POLK: variants seen among roughly 807,000 people sequenced by gnomAD.
POLK encodes the protein DNA polymerase kappa.
In POLK, 76 loss-of-function variants were observed where a neutral mutation model predicts 94.0. The ratio of observed to expected loss-of-function variants is 0.81; its 90% CI spans 0.67 to 0.98. POLK has a LOEUF of 0.98. Among genes scored for constraint, POLK ranks in the 50% least tolerant of loss-of-function variants. The pLI is 0.00. For missense variants in POLK, 954 were observed against 1,010.1 expected (o/e 0.94, Z 0.75); for synonymous variants, 349 against 325.4 (o/e 1.07, Z -0.78).
chr5:75,543,764 C>G (rs764299918), intron 1 of POLK, among the ~76,000 whole-genome samples: 11 of 152,144 alleles, frequency 7.2e-5, no homozygotes, highest in Non-Finnish European at 1.2e-4. Context: ...TGCCTTGTCC[C>G]AGGATTGCCC....
chr5:75,511,146 C>G, upstream of POLK: 1 of 1,608,668 alleles, frequency 6.2e-7, no homozygotes, highest in East Asian at 2.2e-5. Flanking sequence ...CACAGGCGGC[C>G]CAGACTCCGT....
intron 3 of POLK, among the ~76,000 whole-genome samples, chr5:75,563,544 A>G (rs1771104169): frequency 6.6e-6 from 1 of 152,084 alleles, no homozygotes; most frequent in Admixed American, 6.6e-5. Flanking sequence ...AGTGCTATAA[A>G]TTTACCTCTA....
At chr5:75,575,373 G>T (rs1234873488) in intron 5 of POLK, among the ~76,000 whole-genome samples, 4 of 152,102 alleles carry the variant, frequency 2.6e-5, no homozygotes, top group African/African-American at 9.7e-5. Flanking sequence ...CAGAGATAGG[G>T]TTTTCCTATG....
chr5:75,514,509 G>C (rs1768230160), intron 1 of POLK, among the ~76,000 whole-genome samples: 1 of 152,168 alleles, frequency 6.6e-6, no homozygotes, highest in South Asian at 2.1e-4. Flanking sequence ...GTCAAACATT[G>C]TTTTAGGTTC....
At chr5:75,526,466 TTTTG>T (rs1580924205) in intron 1 of POLK, among the ~76,000 whole-genome samples, 1 of 152,016 alleles carries the variant, frequency 6.6e-6, no homozygotes, top group Non-Finnish European at 1.5e-5. Context: ...TTTGGTACCC[TTTTG>T]TTTGTTTTGT....
At chr5:75,527,189 CT>C (rs911156366) in intron 1 of POLK, among the ~76,000 whole-genome samples, 12 of 151,144 alleles carry the variant, frequency 7.9e-5, no homozygotes, top group Middle Eastern at 3.2e-3. Flanking sequence ...TATAATCAAA[CT>C]TTTTTTTTAT....
chr5:75,599,511 A>G (rs933017546), exon 15 of POLK: 2 of 152,148 alleles, frequency 1.3e-5, no homozygotes, highest in Non-Finnish European at 2.9e-5. Context: ...TAGCATGCCA[A>G]TCCAATCCCA....
intron 3 of POLK, among the ~76,000 whole-genome samples, chr5:75,558,523 A>C (rs897467075): frequency 2.0e-5 from 3 of 152,072 alleles, no homozygotes; most frequent in Non-Finnish European, 2.9e-5. Context: ...AAAAATTCTC[A>C]ATTGTTCTTT....
At chr5:75,540,381 A>G (rs529911790) in intron 1 of POLK, among the ~76,000 whole-genome samples, 64 of 151,852 alleles carry the variant, frequency 4.2e-4, no homozygotes, top group Admixed American at 1.5e-3. Flanking sequence ...ACCGTGGCTG[A>G]CTGCGGCTTC....
intron 10 of POLK, among the ~76,000 whole-genome samples, chr5:75,589,493 C>A (rs2112860437): frequency 6.6e-6 from 1 of 151,950 alleles, no homozygotes; most frequent in South Asian, 2.1e-4. Context: ...CTCTGTCGCC[C>A]AGGCTGGAGT....
chr5:75,574,556 A>C (rs1241480563), intron 5 of POLK, among the ~76,000 whole-genome samples: 4 of 152,230 alleles, frequency 2.6e-5, no homozygotes, highest in South Asian at 4.1e-4. Flanking sequence ...AGACTGCTAT[A>C]GTAAAATGTG....
chr5:75,554,250 G>A lies in POLK; in HGVS notation c.255+1659G>A, dbSNP rs1010517740. Among the ~76,000 whole-genome samples, 7 of 152,062 alleles carry A rather than the reference G, an allele frequency of 4.6e-5. No homozygotes were observed. The East Asian group carries it at 5.8e-4, about 13-fold the overall frequency. On this transcript the variant is annotated intron_variant, in intron 3 of 14. Coordinates refer to ENST00000241436, the Ensembl canonical transcript of POLK. ...GGAAGGAAGGAAGAATAGATTTTGG[G>A]GTTCAAGCAGCAGCCTAAAGCAATG...
chr5:75,516,402 G>A (rs546604083), intron 1 of POLK, among the ~76,000 whole-genome samples: 6 of 151,878 alleles, frequency 4.0e-5, no homozygotes, highest in Non-Finnish European at 7.4e-5. Flanking sequence ...GGGCAACATA[G>A]GGAGACCCTA....
intron 9 of POLK, among the ~76,000 whole-genome samples, chr5:75,586,778 C>A (rs1156575349): frequency 3.3e-5 from 5 of 152,204 alleles, no homozygotes; most frequent in Non-Finnish European, 7.4e-5. Context: ...GAAGCAATTT[C>A]TAATATCTAC....
intron 1 of POLK, among the ~76,000 whole-genome samples, chr5:75,515,560 G>T (rs1768283756): frequency 6.6e-6 from 1 of 152,166 alleles, no homozygotes; most frequent in African/African-American, 2.4e-5. Flanking sequence ...GAATAGTGCT[G>T]TAATAAACGT....
intron 3 of POLK, among the ~76,000 whole-genome samples, chr5:75,553,728 A>G (rs5744614): frequency 0.05 from 7,544 of 152,254 alleles, 567 homozygotes; most frequent in African/African-American, 0.17. Flanking sequence ...TACATTTTCA[A>G]CATGAAAGTA....
Position 75,594,156 on chromosome 5 carries a change from T to C in POLK, c.1528+107T>C, listed in dbSNP as rs1379823887. On this transcript the variant is annotated intron_variant, in intron 12 of 14. Coordinates refer to ENST00000241436, the Ensembl canonical transcript of POLK. ...CCAACTTAACAATGGTTCAACTTAA[T>C]GATTTTTCAACTTTGCGACAGTGGG... The C allele has an allele frequency of 1.7e-5, 12 of 712,804 alleles. No homozygotes were observed. The East Asian group carries it at 3.0e-4, about 18-fold the overall frequency. 44.2% of individuals were successfully genotyped at this position (712,804 alleles called of 1,614,324 possible). A position where few individuals can be genotyped will look rare whatever the true frequency, so the allele number is the denominator to read the frequency against.
At position 75,589,504 on chromosome 5, in the gene POLK, G is replaced by A. The variant is rs374501945; in HGVS notation, c.1260-840G>A. On this transcript the variant is annotated intron_variant, in intron 10 of 14. Coordinates refer to ENST00000241436, the Ensembl canonical transcript of POLK. The stretch of plus-strand genomic sequence containing the variant: ...CTCGCTCTGTCGCCCAGGCTGGAGT[G>A]CAGTGGTGCGATCTCGGTTCACTGC... Among the ~76,000 whole-genome samples, 14 of 151,784 alleles carry A rather than the reference G, an allele frequency of 9.2e-5. 1 individual carries two copies. Among genetic ancestry groups the A allele is most frequent in the Admixed American group, 7.9e-4 (12 of 15,228 alleles).
chr5:75,598,339 T>A (rs1365100784), exon 15 of POLK: 1 of 158,412 alleles, frequency 6.3e-6, no homozygotes, highest in Non-Finnish European at 1.4e-5. Context: ...TTGTAAGGGC[T>A]CTCAAAGATT....
Sources: allele counts gnomAD v4.1 joint callset (sites outside exome capture counted in the v4.1 genomes callset), GRCh38; gene constraint gnomAD v4.1.1; transcripts MANE v1.5; gene names NCBI Gene and HGNC (gene_info 2026-07-23, HGNC 2026-07-21).